Variants in DOCK10 observed in about 807,000 individuals in gnomAD.
The protein encoded by DOCK10 is dedicator of cytokinesis protein 10.
In DOCK10, 145 loss-of-function variants were observed where a neutral mutation model predicts 280.1. The ratio of observed to expected loss-of-function variants is 0.52; its 90% CI spans 0.45 to 0.59. The LOEUF (loss-of-function observed/expected upper bound fraction) is 0.59, where lower values mean the gene tolerates loss of function less well. Among genes scored for constraint, DOCK10 ranks in the 20% least tolerant of loss-of-function variants. The probability of loss-of-function intolerance (pLI) is 0.00; values close to 1 mark genes in which losing one functional copy is unlikely to be tolerated. For missense variants in DOCK10, 2,368 were observed against 2,651.7 expected (o/e 0.89, Z 2.35); for synonymous variants, 915 against 942.2 (o/e 0.97, Z 0.53).
chr2:224,998,540 C>T (rs1706338748), intron 1 of DOCK10, among the ~76,000 whole-genome samples: 1 of 152,214 alleles, frequency 6.6e-6, no homozygotes, highest in South Asian at 2.1e-4. Context: ...ATTCCTCTCC[C>T]CTCTCCTGGT....
chr2:224,801,652 C>T (rs774363734), intron 40 of DOCK10, among the ~76,000 whole-genome samples: 5 of 152,110 alleles, frequency 3.3e-5, no homozygotes, highest in Non-Finnish European at 5.9e-5. Flanking sequence ...GACAGCAGCC[C>T]CCATAACCTG....
rs150733633 is a variant in DOCK10, at chr2:224,828,740, G to C, written c.3036+1801C>G. Reference sequence around the variant, plus strand: ...GGAGCCAGGGGGCTGTGAGTATCATGACAAATGACAAGACTGGTGGGGAAG... The same window carrying C: ...GGAGCCAGGGGGCTGTGAGTATCATCACAAATGACAAGACTGGTGGGGAAG... On this transcript the variant is annotated intron_variant, in intron 27 of 55. Coordinates refer to ENST00000258390, the MANE Select transcript of DOCK10 (RefSeq NM_014689.3). Among the ~76,000 whole-genome samples, 481 of 152,274 alleles carry C rather than the reference G, an allele frequency of 3.2e-3. 9 individuals carry two copies. The highest frequency in any genetic ancestry group is 0.011 in the African/African-American group (456 of 41,540).
intron 1 of DOCK10, among the ~76,000 whole-genome samples, chr2:224,974,843 T>C (rs1705333860): frequency 7.3e-6 from 1 of 137,650 alleles, no homozygotes; most frequent in South Asian, 2.2e-4. Context: ...ATATATAACA[T>C]ATACACACAC....
rs778080607 is a variant in DOCK10 at position 224,807,921 on chromosome 2, T to A, written c.3575A>T (p.Tyr1192Phe). ...AGGAAGATCACTTACTGGCTCTCTG[T>A]ATCGATCATCAAATGAATGCTTAGC... is the stretch of plus-strand genomic sequence containing the variant. ...LMAKHSFDDR[Y>F]REPRKQAQIA... Residue 1192 changes from tyrosine (Y) to phenylalanine (F), a missense_variant, in exon 32 of 56, where the codon TAC becomes TTC. Tyr to Phe is a conservative substitution (Grantham distance 22, BLOSUM62 3). Around this residue, in one of 2 missense-constraint regions of DOCK10, gnomAD observed 1,159 missense variants for 1,400.8 expected, o/e 0.83. Transcript: ENST00000258390. The A allele has an allele frequency of 6.0e-5, 97 of 1,612,174 alleles. No individual in the cohort carries two copies. The highest frequency in any genetic ancestry group is 5.3e-4 in the South Asian group (48 of 90,844).
At chr2:224,979,278 G>A (rs1705620859) in intron 1 of DOCK10, among the ~76,000 whole-genome samples, 1 of 152,220 alleles carries the variant, frequency 6.6e-6, no homozygotes, top group Non-Finnish European at 1.5e-5. Context: ...GGTAGGTACT[G>A]TTACTTTTTA....
chr2:224,851,801 A>C (rs1696761131), intron 18 of DOCK10, among the ~76,000 whole-genome samples: 1 of 152,220 alleles, frequency 6.6e-6, no homozygotes, highest in Non-Finnish European at 1.5e-5. Flanking sequence ...AACTCTAAAA[A>C]ATGCCATCCC....
chr2:224,885,791 G>C lies in DOCK10; in HGVS notation c.627C>G (p.Arg209=). ...CTGGTAACTGAGTCAGCTGGAAGTA[G>C]CGCTTTTTGAATGACTAAATAAAGG... ...NTVTVRSFKK[R]YFQLTQLPDN... Residue 209 remains arginine (R), a synonymous_variant, in exon 7 of 56, where the codon CGC becomes CGG. Transcript: ENST00000258390. The C allele has an allele frequency of 6.2e-7, 1 of 1,612,948 alleles. No individual in the cohort carries two copies. The highest frequency in any genetic ancestry group is 8.5e-7 in the Non-Finnish European group (1 of 1,179,664).
chr2:224,858,473 A>T (rs1331723052), intron 14 of DOCK10, among the ~76,000 whole-genome samples: 1 of 152,182 alleles, frequency 6.6e-6, no homozygotes, highest in Non-Finnish European at 1.5e-5. Context: ...CCTGGTTAAC[A>T]TGGTGAAACC....
chr2:224,855,157 T>A (rs1449381671), intron 15 of DOCK10, 115 bp from the exon 16 acceptor site: 2 of 606,402 alleles, frequency 3.3e-6, no homozygotes. Context: ...TGAGCTTTGT[T>A]AAGGGTAAAC....
chr2:224,788,087 C>T (rs6436509), intron 48 of DOCK10, among the ~76,000 whole-genome samples: 4,337 of 152,180 alleles, frequency 0.028, 222 homozygotes, highest in African/African-American at 0.095. Context: ...TTCAACACTT[C>T]CATGTAAAAA....
At chr2:224,867,025 C>T (rs1697955702) in intron 11 of DOCK10, among the ~76,000 whole-genome samples, 1 of 151,850 alleles carries the variant, frequency 6.6e-6, no homozygotes, top group South Asian at 2.1e-4. Flanking sequence ...TGCTCACTGT[C>T]ACAGGGATAT....
rs1329787531 is a variant in DOCK10 at position 224,919,501 on chromosome 2, AGT to A, written c.244-2719_244-2718del. Among the ~76,000 whole-genome samples, 3 of 130,476 alleles carry A rather than the reference AGT, an allele frequency of 2.3e-5. No individual in the cohort carries two copies. In the East Asian group the frequency reaches 7.3e-4, roughly 32 times the overall value. The allele number at this position is 130,476 out of a possible 152,430, so 85.6% of individuals were successfully genotyped here. A position where few individuals can be genotyped will look rare whatever the true frequency, so the allele number is the denominator to read the frequency against. Reference sequence around the variant, plus strand: ...GTGGATGGTGTGTATGTGTGGTGTGAGTGTGTACGTGTGGTGTGAATGTGTGT... The same window carrying A: ...GTGGATGGTGTGTATGTGTGGTGTGAGTGTACGTGTGGTGTGAATGTGTGT... On this transcript the variant is annotated intron_variant, in intron 2 of 55. Coordinates refer to ENST00000258390, the MANE Select transcript of DOCK10 (RefSeq NM_014689.3).
chr2:224,935,686 G>A (rs1327863981), intron 1 of DOCK10, among the ~76,000 whole-genome samples: 2 of 152,102 alleles, frequency 1.3e-5, no homozygotes, highest in African/African-American at 2.4e-5. Flanking sequence ...GAGCCCACAC[G>A]TAAAATCCTC....
intron 50 of DOCK10, among the ~76,000 whole-genome samples, chr2:224,779,945 C>G (rs1295332780): frequency 1.3e-5 from 2 of 152,104 alleles, no homozygotes; most frequent in Admixed American, 1.3e-4. Context: ...ACATTGCATG[C>G]CCAGTGTTTA....
rs1197065538 is a variant in DOCK10 at position 224,795,116 on chromosome 2, G to C, written c.4939-22C>G. 2.5e-6 allele frequency: 4 copies of C among 1,603,450 alleles called. No homozygotes were observed. In the African/African-American group the frequency reaches 4.0e-5, roughly 16 times the overall value. On this transcript the variant is annotated intron_variant, in intron 44 of 55. Transcript: ENST00000258390. The stretch of plus-strand genomic sequence containing the variant: ...TGTTCTTTGGAAAAGAGAGAGCCTG[G>C]GTCATTATCTGTTTAGAATCTATAG...
chr2:225,004,089 G>C (rs1706509536), intron 1 of DOCK10, among the ~76,000 whole-genome samples: 1 of 152,202 alleles, frequency 6.6e-6, no homozygotes, highest in African/African-American at 2.4e-5. Context: ...GCAGTGGGTT[G>C]CAAAGTGGCT....
At chr2:224,918,140 C>T (rs1019165740) in intron 2 of DOCK10, among the ~76,000 whole-genome samples, 2 of 152,188 alleles carry the variant, frequency 1.3e-5, no homozygotes, top group African/African-American at 4.8e-5. Flanking sequence ...CTCTTCCAAT[C>T]CTGGACTCTT....
intron 1 of DOCK10, among the ~76,000 whole-genome samples, chr2:224,945,298 A>G (rs1185359506): frequency 2.0e-5 from 3 of 152,182 alleles, no homozygotes; most frequent in Non-Finnish European, 2.9e-5. Context: ...TTTTGGAGTC[A>G]GTAGGGAAGA....
chr2:224,818,048 C>G (rs1489489193), intron 29 of DOCK10, among the ~76,000 whole-genome samples: 1 of 152,202 alleles, frequency 6.6e-6, no homozygotes, highest in Non-Finnish European at 1.5e-5. Context: ...TCACACACTT[C>G]CTCTATGGAA....
Sources: gnomAD v4.1 joint callset for allele counts (sites outside exome capture counted in the v4.1 genomes callset) on GRCh38, gnomAD v4.1.1 for gene constraint, gnomAD v4.1.1 regional missense constraint, MANE v1.5 for transcripts, NCBI Gene and HGNC (gene_info 2026-07-23, HGNC 2026-07-21) for gene names.